The following TMEM114 variants were observed in gnomAD, a reference collection of about 807,000 sequenced individuals.
TMEM114 encodes the protein transmembrane protein 114.
In TMEM114, 6 loss-of-function variants were observed where a neutral mutation model predicts 6.2. That is an observed-to-expected ratio of 0.97 (90% CI 0.53 to 1.91). TMEM114 has a LOEUF of 1.91. Ranked by LOEUF, TMEM114 falls within the 40% of genes most tolerant of loss-of-function variation. The probability of loss-of-function intolerance (pLI) is 0.01; values close to 1 mark genes in which losing one functional copy is unlikely to be tolerated. For synonymous variants in TMEM114, 104 were observed against 73.0 expected (o/e 1.42, Z -2.16); for missense variants, 218 against 158.3 (o/e 1.38, Z -2.02).
chr16:8,537,249 C>T (rs981437202), downstream of TMEM114, among the ~76,000 whole-genome samples: 6 of 152,034 alleles, frequency 3.9e-5, no homozygotes, highest in Non-Finnish European at 7.4e-5. Flanking sequence ...ACCTGTAATC[C>T]CAGCACTTTG....
the TMEM114 span, among the ~76,000 whole-genome samples, chr16:8,528,039 G>C: frequency 1.3e-5 from 2 of 152,094 alleles, no homozygotes; most frequent in Non-Finnish European, 2.9e-5. Context: ...TTCCTGCGTA[G>C]CTGGGATCAC....
chr16:8,563,778 TG>T, intron 2 of TMEM114, among the ~76,000 whole-genome samples: 2 of 103,098 alleles, frequency 1.9e-5, no homozygotes, highest in Non-Finnish European at 2.4e-5. Context: ...AGTGAGTGAA[TG>T]ACTGAGTGAG....
In TMEM114 at chr16:8,544,746, G is replaced by C. The variant is rs192861024; in HGVS notation, n.213-6920C>G. On this transcript the variant is annotated intron_variant and non_coding_transcript_variant, in intron 2 of 2. Transcript: ENST00000623677. ...ACTGAGAAAACACATGACAGCAAAA[G>C]TCATAGTAAGTTCAGTGATGCGTTT... is the stretch of plus-strand genomic sequence containing the variant. Among the ~76,000 whole-genome samples, 30 of 152,320 alleles carry C rather than the reference G, an allele frequency of 2.0e-4. No homozygotes were observed. In the East Asian group the frequency reaches 5.4e-3, roughly 27 times the overall value.
intron 2 of TMEM114, among the ~76,000 whole-genome samples, chr16:8,563,235 G>C (rs1901346390): frequency 6.6e-6 from 1 of 151,826 alleles, no homozygotes. Flanking sequence ...GTGAATGAGT[G>C]AGTGAATGAG....
At chr16:8,570,137 C>A (rs1303729200) in intron 3 of TMEM114, 132 bp from the exon 4 acceptor site, 15 of 1,250,810 alleles carry the variant, frequency 1.2e-5, no homozygotes, top group Non-Finnish European at 1.6e-5. Context: ...GGGACCTTTG[C>A]GCGTGCTAGT....
At chr16:8,528,896 C>G in the TMEM114 span, among the ~76,000 whole-genome samples, 1 of 152,166 alleles carries the variant, frequency 6.6e-6, no homozygotes, top group African/African-American at 2.4e-5. Flanking sequence ...TATTTTGCCT[C>G]TGGTCATTTG....
chr16:8,567,498 C>T (rs1463657170), downstream of TMEM114, among the ~76,000 whole-genome samples: 4 of 152,200 alleles, frequency 2.6e-5, no homozygotes, highest in African/African-American at 9.7e-5. Context: ...CATTATTGCT[C>T]GCTTAGCAGA....
Position 8,588,005 on chromosome 16 carries a change from T to C in TMEM114, c.301+1208A>G, listed in dbSNP as rs973981934. Among the ~76,000 whole-genome samples, 179 of 151,634 alleles carry C rather than the reference T, an allele frequency of 1.2e-3. 1 individual carries two copies. The highest frequency in any genetic ancestry group is 4.2e-3 in the African/African-American group (172 of 41,340). ...CCTATCACTATTAAAAAAAAACTGATACCAATGCAGTGGCTCACACCTGTA... is the reference window on the plus strand; with the variant it reads ...CCTATCACTATTAAAAAAAAACTGACACCAATGCAGTGGCTCACACCTGTA... On this transcript the variant is annotated intron_variant, in intron 2 of 3. Coordinates refer to ENST00000620492, the MANE Select transcript of TMEM114 (RefSeq NM_001146336.2).
At chr16:8,564,613 GT>G (rs1901456288), downstream of TMEM114, among the ~76,000 whole-genome samples, 1 of 61,846 alleles carries the variant, frequency 1.6e-5, no homozygotes. Flanking sequence ...GAGGGAATGA[GT>G]GAGTGAATGA....
chr16:8,549,577 C>T (rs974368924), intron 2 of TMEM114, among the ~76,000 whole-genome samples: 3 of 151,122 alleles, frequency 2.0e-5, no homozygotes, highest in African/African-American at 7.3e-5. Flanking sequence ...AGTTCACATA[C>T]ATTCTGTTTA....
intron 2 of TMEM114, among the ~76,000 whole-genome samples, chr16:8,547,475 C>T (rs998496210): frequency 6.6e-6 from 1 of 151,610 alleles, no homozygotes; most frequent in African/African-American, 2.4e-5. Flanking sequence ...TCACTACAAC[C>T]TCTGCCTCCT....
chr16:8,564,433 G>A lies in TMEM114; in HGVS notation n.212+24780C>T, dbSNP rs912029250. ...AGTGAGTGAGTAAATGAGTGAGTGA[G>A]GGAGGGAGGGAATGAGTGAGTGAGT... On this transcript the variant is annotated intron_variant and non_coding_transcript_variant, in intron 2 of 2. Transcript: ENST00000623677. 1.5e-4 allele frequency among the ~76,000 whole-genome samples: 22 copies of A among 150,486 alleles called. 1 individual carries two copies. Among genetic ancestry groups the A allele is most frequent in the African/African-American group, 5.5e-4 (22 of 40,308 alleles).
At chr16:8,539,094 A>G (rs1900444145) in intron 2 of TMEM114, among the ~76,000 whole-genome samples, 1 of 152,046 alleles carries the variant, frequency 6.6e-6, no homozygotes, top group Non-Finnish European at 1.5e-5. Context: ...TTTTTTAGTT[A>G]CTTCCACTTT....
At chr16:8,533,238 C>T (rs1298036791), downstream of TMEM114, among the ~76,000 whole-genome samples, 3 of 152,180 alleles carry the variant, frequency 2.0e-5, no homozygotes, top group African/African-American at 4.8e-5. Context: ...GGATTACTTT[C>T]GATTAGTTCA....
chr16:8,568,852 G>A (rs557147072), downstream of TMEM114, among the ~76,000 whole-genome samples: 3 of 152,364 alleles, frequency 2.0e-5, no homozygotes, highest in South Asian at 6.2e-4. Context: ...ACAGCAGCAG[G>A]ATTTTTGGAA....
chr16:8,554,942 G>C (rs976128141), intron 2 of TMEM114, among the ~76,000 whole-genome samples: 4 of 152,202 alleles, frequency 2.6e-5, no homozygotes, highest in African/African-American at 7.2e-5. Flanking sequence ...GAGCCCCTAT[G>C]CTCTGCAGAC....
downstream of TMEM114, chr16:8,537,494 C>T (rs1395926954): frequency 6.6e-6 from 1 of 152,152 alleles, no homozygotes; most frequent in Admixed American, 6.5e-5. Context: ...GAGTGAGACT[C>T]CATCTCAAAA....
chr16:8,536,765 G>A (rs1900372915), downstream of TMEM114, among the ~76,000 whole-genome samples: 1 of 152,042 alleles, frequency 6.6e-6, no homozygotes, highest in South Asian at 2.1e-4. Flanking sequence ...TCCCAGTTGA[G>A]GCACTGGGAA....
chr16:8,570,177 C>G (rs907274623), intron 3 of TMEM114, among the ~76,000 whole-genome samples, 172 bp from the exon 4 acceptor site: 1 of 152,200 alleles, frequency 6.6e-6, no homozygotes, highest in Non-Finnish European at 1.5e-5. Context: ...ACCCCTGCTT[C>G]TCTGCCTGTC....
Sources: gnomAD v4.1 joint callset for allele counts (sites outside exome capture counted in the v4.1 genomes callset) on GRCh38, gnomAD v4.1.1 for gene constraint, MANE v1.5 for transcripts, NCBI Gene and HGNC (gene_info 2026-07-23, HGNC 2026-07-21) for gene names.